The following RAD51B variants were observed in gnomAD, a reference collection of about 807,000 sequenced individuals.
The protein encoded by RAD51B is RAD51 paralog B, also known as DNA repair protein RAD51 homolog 2.
RAD51B carries 38 observed loss-of-function variants against 42.2 expected under a neutral mutation model. The observed-to-expected ratio is 0.90, with a 90% CI of 0.70 to 1.18. The LOEUF is 1.18. RAD51B is among the 50% of genes most tolerant of loss of function. RAD51B has a pLI of 0.00. For synonymous variants in RAD51B, 154 were observed against 145.2 expected (o/e 1.06, Z -0.43); for missense variants, 373 against 400.7 (o/e 0.93, Z 0.59).
At chr14:67,956,300 G>A (rs1049644677) in intron 7 of RAD51B, among the ~76,000 whole-genome samples, 2 of 152,062 alleles carry the variant, frequency 1.3e-5, no homozygotes, top group Non-Finnish European at 2.9e-5. Context: ...AGGAGTTTGA[G>A]GCCAGCCTGG....
chr14:68,146,279 ATC>A (rs2078246929), intron 7 of RAD51B, among the ~76,000 whole-genome samples: 1 of 152,102 alleles, frequency 6.6e-6, no homozygotes, highest in South Asian at 2.1e-4. Flanking sequence ...GTGAAACCCC[ATC>A]TCTACTAAAA....
chr14:67,995,580 A>G (rs938264815), intron 7 of RAD51B, among the ~76,000 whole-genome samples: 1 of 148,654 alleles, frequency 6.7e-6, no homozygotes, highest in Non-Finnish European at 1.5e-5. Flanking sequence ...TCTGAATACT[A>G]TTGGAGACCA....
At chr14:68,128,707 G>C (rs563871423) in intron 7 of RAD51B, among the ~76,000 whole-genome samples, 1 of 151,750 alleles carries the variant, frequency 6.6e-6, no homozygotes, top group Non-Finnish European at 1.5e-5. Flanking sequence ...AAACGTGAGT[G>C]GGGGGGCTTG....
intron 7 of RAD51B, among the ~76,000 whole-genome samples, chr14:68,274,682 A>G (rs907041485): frequency 1.3e-5 from 2 of 152,244 alleles, no homozygotes; most frequent in African/African-American, 4.8e-5. Flanking sequence ...ATTAATAATT[A>G]TGTCAGAAAT....
intron 10 of RAD51B, among the ~76,000 whole-genome samples, chr14:68,641,724 T>C (rs187556703): frequency 1.6e-4 from 24 of 152,060 alleles, no homozygotes; most frequent in African/African-American, 4.6e-4. Flanking sequence ...GATATGATCA[T>C]GTGATTTAAA....
chr14:68,504,885 T>C (rs1885196251), intron 10 of RAD51B, among the ~76,000 whole-genome samples: 1 of 152,164 alleles, frequency 6.6e-6, no homozygotes, highest in Non-Finnish European at 1.5e-5. Context: ...TCTTAATTTC[T>C]GTACAGTTAT....
rs779294141 is a variant in RAD51B, at chr14:68,291,837, T to A, written c.757-47T>A. ...CTAATAATTAATTTGGTCTTCCCTG[T>A]CTTTCTTCTCCCTTGCCCCCTACCC... On this transcript the variant is annotated intron_variant, in intron 7 of 10. Transcript: ENST00000471583. The A allele has an allele frequency of 2.9e-5, 42 of 1,432,196 alleles. No individual in the cohort carries two copies. In the Admixed American group the frequency reaches 6.9e-4, roughly 24 times the overall value. 88.7% of individuals were successfully genotyped at this position (1,432,196 alleles called of 1,614,324 possible). A position where few individuals can be genotyped will look rare whatever the true frequency, so the allele number is the denominator to read the frequency against.
intron 8 of RAD51B, among the ~76,000 whole-genome samples, chr14:68,359,441 G>A (rs1347340964): frequency 6.6e-6 from 1 of 152,104 alleles, no homozygotes; most frequent in East Asian, 1.9e-4. Context: ...GGTTGGAGGA[G>A]GGAGAATGAA....
chr14:68,537,165 G>A (rs1372140500), intron 10 of RAD51B, among the ~76,000 whole-genome samples: 3 of 148,500 alleles, frequency 2.0e-5, no homozygotes, highest in African/African-American at 7.4e-5. Context: ...TCCCTGAATA[G>A]AGATCCTACC....
At chr14:68,308,183 G>A (rs1229797782) in intron 8 of RAD51B, among the ~76,000 whole-genome samples, 3 of 152,114 alleles carry the variant, frequency 2.0e-5, no homozygotes, top group African/African-American at 7.2e-5. Context: ...TTTTTGCCCT[G>A]AAGGACCCTT....
intron 7 of RAD51B, among the ~76,000 whole-genome samples, chr14:67,984,522 C>T (rs942812953): frequency 6.6e-6 from 1 of 152,144 alleles, no homozygotes; most frequent in African/African-American, 2.4e-5. Context: ...CTCTGTGTCA[C>T]TGCTTTTCAG....
intron 10 of RAD51B, among the ~76,000 whole-genome samples, chr14:68,630,357 C>A (rs1162951465): frequency 1.3e-5 from 2 of 152,050 alleles, no homozygotes; most frequent in Non-Finnish European, 2.9e-5. Context: ...ATGACAGCAG[C>A]CCGCTCTTTC....
intron 7 of RAD51B, among the ~76,000 whole-genome samples, chr14:68,262,352 C>G (rs1282779790): frequency 6.6e-6 from 1 of 152,178 alleles, no homozygotes; most frequent in Non-Finnish European, 1.5e-5. Context: ...CTTGTAGCCC[C>G]TGTCACCTGC....
intron 7 of RAD51B, among the ~76,000 whole-genome samples, chr14:68,196,394 C>T (rs761323459): frequency 2.2e-4 from 34 of 152,006 alleles, no homozygotes; most frequent in Non-Finnish European, 7.4e-5. Context: ...TAGAATTCAA[C>T]GTAGAAATCA....
chr14:68,219,206 A>T (rs184576691), intron 7 of RAD51B, among the ~76,000 whole-genome samples: 15 of 152,324 alleles, frequency 9.8e-5, no homozygotes, highest in Non-Finnish European at 1.3e-4. Flanking sequence ...TCCCATGAGG[A>T]TGCACTATGA....
chr14:68,633,239 G>T (rs1460169870), intron 10 of RAD51B, among the ~76,000 whole-genome samples: 2 of 152,014 alleles, frequency 1.3e-5, no homozygotes, highest in Non-Finnish European at 2.9e-5. Flanking sequence ...ACTCTCTGGG[G>T]CTGTGCCCAG....
intron 11 of RAD51B, among the ~76,000 whole-genome samples, chr14:68,673,870 T>C (rs1240704715): frequency 1.1e-5 from 1 of 90,754 alleles, no homozygotes; most frequent in Non-Finnish European, 2.1e-5. Flanking sequence ...CATGTACACA[T>C]ACTGTGCACA....
intron 7 of RAD51B, among the ~76,000 whole-genome samples, chr14:68,287,718 T>C (rs1241205319): frequency 6.6e-6 from 1 of 152,232 alleles, no homozygotes; most frequent in East Asian, 1.9e-4. Context: ...TTGTCAGTAG[T>C]GGCCTATATG....
intron 5 of RAD51B, among the ~76,000 whole-genome samples, chr14:67,873,508 A>T (rs11851058): frequency 0.027 from 4,061 of 150,390 alleles, 184 homozygotes; most frequent in African/African-American, 0.094. Flanking sequence ...AACTAGTTCA[A>T]CCATTGTGGA....
Sources: allele counts gnomAD v4.1 joint callset (sites outside exome capture counted in the v4.1 genomes callset), GRCh38; gene constraint gnomAD v4.1.1; transcripts MANE v1.5; gene names NCBI Gene and HGNC (gene_info 2026-07-23, HGNC 2026-07-21).